Variants in LRP1B observed in about 807,000 individuals in gnomAD.
The protein encoded by LRP1B is LDL receptor related protein 1B.
In LRP1B, 217 loss-of-function variants were observed where a neutral mutation model predicts 556.6. The observed-to-expected ratio is 0.39, with a 90% CI of 0.35 to 0.44. LRP1B has a LOEUF of 0.44. Ranked by LOEUF, LRP1B falls within the 20% of genes least tolerant of loss-of-function variation. The pLI is 1.00. For synonymous variants in LRP1B, 2,047 were observed against 1,865.8 expected, an observed-to-expected ratio of 1.10 and a Z score of -2.50; for missense variants, 5,053 against 5,620.8, an observed-to-expected ratio of 0.90 and a Z score of 3.23.
At chr2:140,307,417 T>C (rs891968652) in intron 83 of LRP1B, among the ~76,000 whole-genome samples, 1 of 151,942 alleles carries the variant, frequency 6.6e-6, no homozygotes, top group Non-Finnish European at 1.5e-5. Context: ...CTTAGGCTAT[T>C]AAACTTGACT....
chr2:140,527,578 C>G (rs987842444), intron 47 of LRP1B, among the ~76,000 whole-genome samples: 25 of 151,744 alleles, frequency 1.6e-4, no homozygotes, highest in African/African-American at 6.0e-4. Context: ...TTACAATTTG[C>G]AATTATAATT....
intron 1 of LRP1B, among the ~76,000 whole-genome samples, chr2:141,877,221 C>T (rs572444089): frequency 1.3e-5 from 2 of 151,848 alleles, no homozygotes; most frequent in South Asian, 2.1e-4. Context: ...TAAAGAATTT[C>T]CTGAACTTGA....
At chr2:141,982,457 T>C (rs1348690731) in intron 1 of LRP1B, among the ~76,000 whole-genome samples, 1 of 152,054 alleles carries the variant, frequency 6.6e-6, no homozygotes, top group African/African-American at 2.4e-5. Flanking sequence ...CACTTTAGAG[T>C]GACTTCAGAT....
intron 3 of LRP1B, among the ~76,000 whole-genome samples, chr2:141,455,777 C>G (rs1409516755): frequency 6.6e-6 from 1 of 152,100 alleles, no homozygotes; most frequent in African/African-American, 2.4e-5. Flanking sequence ...AGAGACAGAC[C>G]AATAAATACC....
intron 2 of LRP1B, among the ~76,000 whole-genome samples, chr2:141,795,566 G>C (rs1016012690): frequency 6.6e-6 from 1 of 151,740 alleles, no homozygotes; most frequent in African/African-American, 2.4e-5. Context: ...AATAATGACA[G>C]GCAGTCAGTA....
chr2:140,501,656 G>T (rs368580270), intron 55 of LRP1B, 31 bp downstream of exon 55: 2 of 1,495,194 alleles, frequency 1.3e-6, no homozygotes, highest in Non-Finnish European at 9.1e-7. Context: ...CTAATGTATC[G>T]TATGATTTGC....
intron 41 of LRP1B, among the ~76,000 whole-genome samples, chr2:140,609,496 T>TC (rs1682992165): frequency 1.3e-5 from 2 of 152,146 alleles, no homozygotes; most frequent in Admixed American, 1.3e-4. Flanking sequence ...TTAATATATC[T>TC]TTGGGTATCT....
chr2:140,696,978 T>G (rs1303786751), intron 41 of LRP1B, among the ~76,000 whole-genome samples: 1 of 152,180 alleles, frequency 6.6e-6, no homozygotes, highest in African/African-American at 2.4e-5. Flanking sequence ...TCATAAAATT[T>G]TCATAGAAAA....
chr2:140,949,271 A>G (rs115395021), intron 20 of LRP1B, among the ~76,000 whole-genome samples: 27 of 152,348 alleles, frequency 1.8e-4, no homozygotes, highest in African/African-American at 6.5e-4. Flanking sequence ...CTTAGCAGAA[A>G]AAATTCTGTT....
intron 3 of LRP1B, among the ~76,000 whole-genome samples, chr2:141,266,364 T>C (rs1344496596): frequency 6.6e-6 from 1 of 151,900 alleles, no homozygotes; most frequent in African/African-American, 2.4e-5. Context: ...ATATGCATAT[T>C]TTCTCCATGC....
At chr2:141,833,441 T>C (rs1354657963) in intron 1 of LRP1B, among the ~76,000 whole-genome samples, 1 of 151,814 alleles carries the variant, frequency 6.6e-6, no homozygotes, top group Non-Finnish European at 1.5e-5. Context: ...TCATGAGGAA[T>C]TAATTCCAAA....
chr2:141,243,146 T>TA (rs869151017), intron 5 of LRP1B, among the ~76,000 whole-genome samples: 7 of 25,662 alleles, frequency 2.7e-4, no homozygotes, highest in African/African-American at 5.5e-4. Flanking sequence ...ATTATTTTTA[T>TA]TTTTTTTTTC....
chr2:140,591,619 T>C (rs532619942), intron 43 of LRP1B, among the ~76,000 whole-genome samples: 52 of 152,296 alleles, frequency 3.4e-4, no homozygotes, highest in African/African-American at 1.1e-3. Flanking sequence ...GATAGCTATA[T>C]AGTCTAGTGG....
chr2:141,356,029 C>A (rs1688615975), intron 3 of LRP1B, among the ~76,000 whole-genome samples: 2 of 152,148 alleles, frequency 1.3e-5, no homozygotes, highest in Non-Finnish European at 2.9e-5. Context: ...ACTTGACCAA[C>A]CTCTCTTATA....
At chr2:141,590,341 C>T (rs371151584) in intron 2 of LRP1B, among the ~76,000 whole-genome samples, 28 of 152,096 alleles carry the variant, frequency 1.8e-4, no homozygotes, top group South Asian at 6.2e-4. Context: ...TTAATACTTT[C>T]GCCTATTCCT....
rs369932565 is a variant in LRP1B, at chr2:141,663,936, AC to A, written c.205+146342del. 1.4e-3 allele frequency among the ~76,000 whole-genome samples: 215 copies of A among 150,002 alleles called. 3 individuals are homozygous for A. The highest frequency in any genetic ancestry group is 3.5e-3 in the Middle Eastern group (1 of 286). ...GAGATACATCAAAAAAAAAAAAAAAACAAAAACACAAAACTTCAGGCTATTA... is the reference window on the plus strand; with the variant it reads ...GAGATACATCAAAAAAAAAAAAAAAAAAAAACACAAAACTTCAGGCTATTA... On this transcript the variant is annotated intron_variant, in intron 2 of 90. Coordinates refer to ENST00000389484, the MANE Select transcript of LRP1B (RefSeq NM_018557.3).
chr2:141,692,347 C>T (rs897443142), intron 2 of LRP1B, among the ~76,000 whole-genome samples: 17 of 151,966 alleles, frequency 1.1e-4, no homozygotes, highest in African/African-American at 3.4e-4. Flanking sequence ...AATTCAAGTA[C>T]GCTAAACTAC....
intron 66 of LRP1B, among the ~76,000 whole-genome samples, chr2:140,391,093 CCTTT>C (rs1450527235): frequency 3.3e-5 from 5 of 151,808 alleles, no homozygotes; most frequent in Non-Finnish European, 5.9e-5. Context: ...ATTGCTATAA[CCTTT>C]CTGATTATGA....
intron 13 of LRP1B, among the ~76,000 whole-genome samples, chr2:141,015,338 T>A (rs2105388276): frequency 6.6e-6 from 1 of 152,244 alleles, no homozygotes. Flanking sequence ...TCGTAATACA[T>A]AATGTTAAAC....
Sources: allele counts gnomAD v4.1 joint callset (sites outside exome capture counted in the v4.1 genomes callset), GRCh38; gene constraint gnomAD v4.1.1; transcripts MANE v1.5; gene names NCBI Gene and HGNC (gene_info 2026-07-23, HGNC 2026-07-21).